The following CDH4 variants were observed in gnomAD, a reference collection of about 807,000 sequenced individuals.
CDH4 encodes cadherin-4.
In CDH4, 33 loss-of-function variants were observed where a neutral mutation model predicts 86.0. The ratio of observed to expected loss-of-function variants is 0.38; its 90% CI spans 0.29 to 0.51. The LOEUF (loss-of-function observed/expected upper bound fraction) is 0.51. Among genes scored for constraint, CDH4 ranks in the 20% least tolerant of loss-of-function variants. The probability of loss-of-function intolerance (pLI) is 0.86; values close to 1 mark genes in which losing one functional copy is unlikely to be tolerated. For synonymous variants in CDH4, 555 were observed against 549.4 expected (o/e 1.01, Z -0.14); for missense variants, 1,114 against 1,307.4 (o/e 0.85, Z 2.28).
At chr20:61,562,965 G>A (rs552090028) in intron 2 of CDH4, among the ~76,000 whole-genome samples, 123 of 152,280 alleles carry the variant, frequency 8.1e-4, no homozygotes, top group African/African-American at 2.5e-3. Flanking sequence ...GCCCTCCCAG[G>A]AGCACGGCTG....
chr20:61,516,472 G>GC lies in CDH4; in HGVS notation c.170-227087dup, dbSNP rs2085821872. Among the ~76,000 whole-genome samples the GC allele has an allele frequency of 6.6e-6, 1 of 152,138 alleles. No homozygotes were observed. Among genetic ancestry groups the GC allele is most frequent in the Admixed American group, 6.5e-5 (1 of 15,284 alleles). On this transcript the variant is annotated intron_variant, in intron 2 of 15. Coordinates refer to ENST00000614565, the MANE Select transcript of CDH4 (RefSeq NM_001794.5). This position sits in a 1 kb window ranked among gnomAD's most constrained non-coding sequence, Gnocchi z 4.0. ...TCCATTTTACAGACCGGGAGGCAGA[G>GC]CCCCAGAGGTCAAGCCAGATGTCCA...
intron 2 of CDH4, among the ~76,000 whole-genome samples, chr20:61,400,599 G>A (rs2085044135): frequency 6.6e-6 from 1 of 152,196 alleles, no homozygotes; most frequent in South Asian, 2.1e-4. Context: ...CATGGATCCA[G>A]TCTCCACCGT....
intron 6 of CDH4, among the ~76,000 whole-genome samples, chr20:61,854,960 T>C (rs1295489648): frequency 1.1e-3 from 97 of 84,402 alleles, no homozygotes; most frequent in Admixed American, 1.6e-3. Flanking sequence ...GAATTGCGCC[T>C]TTGGCCCACC....
chr20:61,715,012 A>C (rs1036493575), intron 2 of CDH4, among the ~76,000 whole-genome samples: 2 of 152,174 alleles, frequency 1.3e-5, no homozygotes, highest in African/African-American at 4.8e-5. Context: ...GGTTGTATTA[A>C]TTTACATTCC....
chr20:61,458,201 A>G (rs1418016343), intron 2 of CDH4, among the ~76,000 whole-genome samples: 11 of 149,384 alleles, frequency 7.4e-5, no homozygotes, highest in Admixed American at 6.6e-4. Flanking sequence ...GGTTATGGTC[A>G]TGATGTTGAT....
chr20:61,280,036 G>A lies in CDH4; in HGVS notation c.169+25099G>A, dbSNP rs1429325156. The stretch of plus-strand genomic sequence containing the variant: ...GGGTTGCCTGCAGCTGTGTGGGTGG[G>A]GCAGGCGGGAATGGCTGTGAAGTGC... On this transcript the variant is annotated intron_variant, in intron 2 of 15. Transcript: ENST00000614565. 3.3e-5 allele frequency among the ~76,000 whole-genome samples: 5 copies of A among 152,170 alleles called. No homozygotes were observed. In the East Asian group the frequency reaches 5.8e-4, roughly 18 times the overall value.
intron 2 of CDH4, among the ~76,000 whole-genome samples, chr20:61,577,692 A>G (rs56383044): frequency 0.021 from 3,176 of 152,136 alleles, 82 homozygotes; most frequent in African/African-American, 0.057. Context: ...AATGCAGCCT[A>G]TGGTTCTATT....
rs1375129561 is a variant in CDH4, at chr20:61,343,934, A to T, written c.169+88997A>T. ...TACAGGGGCCAAGATTAAAAAAAAAATAAACACTGAATAACTCCCTGAGAA... is the reference window on the plus strand; with the variant it reads ...TACAGGGGCCAAGATTAAAAAAAAATTAAACACTGAATAACTCCCTGAGAA... On this transcript the variant is annotated intron_variant, in intron 2 of 15. Coordinates refer to ENST00000614565, the MANE Select transcript of CDH4 (RefSeq NM_001794.5). 7.9e-5 allele frequency among the ~76,000 whole-genome samples: 12 copies of T among 152,272 alleles called. No individual in the cohort carries two copies. In the East Asian group the frequency reaches 1.9e-3, roughly 24 times the overall value.
rs569268788 is a variant in CDH4, at chr20:61,691,792, G to A, written c.170-51771G>A. Among the ~76,000 whole-genome samples, 140 of 152,292 alleles carry A rather than the reference G, an allele frequency of 9.2e-4. 2 individuals carry two copies. Among genetic ancestry groups the A allele is most frequent in the African/African-American group, 3.2e-3 (134 of 41,554 alleles). ...TAAAAATACAGCATTCTGATCCCAC[G>A]GGCCCACCACCGTGTCTATGGTCTG... On this transcript the variant is annotated intron_variant, in intron 2 of 15. Transcript: ENST00000614565.
At chr20:61,291,760 T>G (rs2084322498) in intron 2 of CDH4, among the ~76,000 whole-genome samples, 1 of 152,164 alleles carries the variant, frequency 6.6e-6, no homozygotes, top group Non-Finnish European at 1.5e-5. Context: ...CACTTTTCCT[T>G]TAGGTTCGGG....
intron 2 of CDH4, among the ~76,000 whole-genome samples, chr20:61,589,316 A>C (rs2086500682): frequency 6.6e-6 from 1 of 152,196 alleles, no homozygotes; most frequent in African/African-American, 2.4e-5. Context: ...TAAAACGAAA[A>C]AGGTTCAACT....
chr20:61,720,511 G>A (rs1434172705), intron 2 of CDH4, among the ~76,000 whole-genome samples: 1 of 144,914 alleles, frequency 6.9e-6, no homozygotes, highest in African/African-American at 2.6e-5. Flanking sequence ...ATGCAGAGTG[G>A]AGGGGTACAG....
intron 2 of CDH4, chr20:61,370,822 G>C (rs763922472): frequency 4.6e-5 from 7 of 152,220 alleles, no homozygotes; most frequent in Non-Finnish European, 7.3e-5. Context: ...GCTGAGTTGG[G>C]ACTTAATGCG....
At chr20:61,490,766 G>T (rs923484031) in intron 2 of CDH4, among the ~76,000 whole-genome samples, 2 of 152,126 alleles carry the variant, frequency 1.3e-5, no homozygotes, top group African/African-American at 4.8e-5. Flanking sequence ...GGCACTCCTG[G>T]ACTGAGCAGG....
intron 3 of CDH4, among the ~76,000 whole-genome samples, chr20:61,769,166 C>T (rs1003675390): frequency 1.3e-5 from 2 of 152,216 alleles, no homozygotes; most frequent in African/African-American, 4.8e-5. Flanking sequence ...AATGCTCCAC[C>T]ACCCTTCTCC....
At chr20:61,936,631 C>T (rs1193530159) in intron 15 of CDH4, 106 bp from the exon 16 acceptor site, 36 of 858,154 alleles carry the variant, frequency 4.2e-5, no homozygotes, top group African/African-American at 1.1e-4. Context: ...CTTTATGCAA[C>T]GTCCTACCTC....
At chr20:61,608,353 A>G (rs2086660339) in intron 2 of CDH4, among the ~76,000 whole-genome samples, 1 of 152,228 alleles carries the variant, frequency 6.6e-6, no homozygotes, top group Non-Finnish European at 1.5e-5. Flanking sequence ...TGCAGCTATC[A>G]TTCTGAGAAC....
At chr20:61,550,056 C>CTGCT (rs2086116660) in intron 2 of CDH4, among the ~76,000 whole-genome samples, 1 of 148,186 alleles carries the variant, frequency 6.7e-6, no homozygotes, top group African/African-American at 2.5e-5. Context: ...CTGCCCCAAC[C>CTGCT]TCCCTGGCCT....
chr20:61,583,451 A>T (rs1378776584), intron 2 of CDH4, among the ~76,000 whole-genome samples: 3 of 152,060 alleles, frequency 2.0e-5, no homozygotes. Flanking sequence ...GGGGGTTGTC[A>T]CACACGCGTT....
Sources: gnomAD v4.1 joint callset for allele counts (sites outside exome capture counted in the v4.1 genomes callset) on GRCh38, gnomAD v4.1.1 for gene constraint, Gnocchi (gnomAD v3.1) non-coding constraint, MANE v1.5 for transcripts, NCBI Gene and HGNC (gene_info 2026-07-23, HGNC 2026-07-21) for gene names.